UMAD1: variants seen among roughly 807,000 people sequenced by gnomAD.
The protein encoded by UMAD1 is UBAP1-MVB12-associated (UMA) domain containing 1.
UMAD1 carries 8 observed loss-of-function variants against 6.1 expected under a neutral mutation model. The observed-to-expected ratio is 1.30, with a 90% CI of 0.76 to 2.35. The LOEUF (loss-of-function observed/expected upper bound fraction) is 2.35, where lower values mean the gene tolerates loss of function less well. UMAD1 is among the 30% of genes most tolerant of loss of function. UMAD1 has a pLI of 0.00. For missense variants in UMAD1, 130 were observed against 78.4 expected (o/e 1.66, Z -2.49); for synonymous variants, 56 against 31.4 (o/e 1.78, Z -2.61).
intron 2 of UMAD1, among the ~76,000 whole-genome samples, chr7:7,677,815 A>G: frequency 6.7e-6 from 1 of 149,192 alleles, no homozygotes; most frequent in East Asian, 1.9e-4. Flanking sequence ...CTGGGACTAC[A>G]GGCGCCCGCC....
At chr7:7,771,430 G>A (rs541569732) in intron 2 of UMAD1, among the ~76,000 whole-genome samples, 36 of 152,222 alleles carry the variant, frequency 2.4e-4, no homozygotes, top group African/African-American at 8.7e-4. Context: ...GCCACAGGAT[G>A]TTATTTTCAG....
At chr7:7,831,895 ACTT>A (rs1485204170) in intron 3 of UMAD1, among the ~76,000 whole-genome samples, 1 of 152,174 alleles carries the variant, frequency 6.6e-6, no homozygotes, top group Non-Finnish European at 1.5e-5. Flanking sequence ...TCAAAGGACA[ACTT>A]CTTTCTTTGT....
In UMAD1 at chr7:7,849,045, A is replaced by T. The variant is rs900612924; in HGVS notation, c.157-28236A>T. 3.9e-5 allele frequency among the ~76,000 whole-genome samples: 6 copies of T among 152,262 alleles called. No individual in the cohort carries two copies. The East Asian group carries it at 1.2e-3, about 29-fold the overall frequency. On this transcript the variant is annotated intron_variant, in intron 3 of 3. Coordinates refer to ENST00000682710, the MANE Select transcript of UMAD1 (RefSeq NM_001302348.2). ...TTCCCTTATGTTGAAATTTGGGATA[A>T]TGCTGAGTATGATGGACTTGATGGA...
intron 2 of UMAD1, among the ~76,000 whole-genome samples, chr7:7,716,394 A>G (rs1225950535): frequency 6.6e-6 from 1 of 152,232 alleles, no homozygotes; most frequent in Non-Finnish European, 1.5e-5. Context: ...TTTTAAATAA[A>G]AAGCAGCCCC....
intron 3 of UMAD1, among the ~76,000 whole-genome samples, chr7:7,843,460 C>T (rs1583866536): frequency 6.6e-6 from 1 of 152,122 alleles, no homozygotes; most frequent in South Asian, 2.1e-4. Flanking sequence ...CTTTGTGTAC[C>T]TCCCTGTTTA....
chr7:7,744,140 T>C (rs1426084877), intron 2 of UMAD1, among the ~76,000 whole-genome samples: 1 of 152,176 alleles, frequency 6.6e-6, no homozygotes, highest in East Asian at 1.9e-4. Context: ...TCTCTATAGA[T>C]TTGCCTGTTC....
At chr7:7,828,744 GCTC>G (rs4034894) in intron 3 of UMAD1, among the ~76,000 whole-genome samples, 107,671 of 151,340 alleles carry the variant, frequency 0.71, 38,389 homozygotes, top group South Asian at 0.76. Flanking sequence ...GCTTCCCAGT[GCTC>G]CTCCTCCTCC....
At chr7:7,659,251 G>A (rs1355773985) in intron 1 of UMAD1, among the ~76,000 whole-genome samples, 2 of 151,784 alleles carry the variant, frequency 1.3e-5, no homozygotes, top group Non-Finnish European at 2.9e-5. Flanking sequence ...TTTTAAAAAA[G>A]CCAGCTCCTG....
intron 2 of UMAD1, among the ~76,000 whole-genome samples, chr7:7,798,538 C>G (rs1782732897): frequency 6.6e-6 from 1 of 152,150 alleles, no homozygotes; most frequent in Non-Finnish European, 1.5e-5. Flanking sequence ...GGGAAGAAAA[C>G]AGATAATCTA....
At chr7:7,795,238 T>A (rs1367059784) in intron 2 of UMAD1, among the ~76,000 whole-genome samples, 1 of 152,236 alleles carries the variant, frequency 6.6e-6, no homozygotes, top group East Asian at 1.9e-4. Context: ...GACACACACA[T>A]TGGATCCGAA....
intron 1 of UMAD1, among the ~76,000 whole-genome samples, chr7:7,673,106 T>C (rs1779647476): frequency 6.6e-6 from 1 of 152,208 alleles, no homozygotes; most frequent in Non-Finnish European, 1.5e-5. Flanking sequence ...CACTGTGAAC[T>C]TCAAAGGATA....
At chr7:7,676,128 G>A (rs960149232) in intron 2 of UMAD1, 7 of 398,446 alleles carry the variant, frequency 1.8e-5, no homozygotes, top group Admixed American at 4.4e-5. Context: ...CTCCAGTGAC[G>A]TGCTGTTAAA....
At chr7:7,777,513 A>AG (rs1782236332) in intron 2 of UMAD1, among the ~76,000 whole-genome samples, 1 of 111,752 alleles carries the variant, frequency 8.9e-6, no homozygotes, top group Admixed American at 8.5e-5. Context: ...CTCAAAAAAA[A>AG]AAAAAAAAAA....
intron 1 of UMAD1, among the ~76,000 whole-genome samples, chr7:7,652,578 C>A (rs1785248496): frequency 1.3e-5 from 2 of 152,156 alleles, no homozygotes; most frequent in Admixed American, 1.3e-4. Flanking sequence ...TGCCCATTGA[C>A]ATTGTGAGAG....
intron 1 of UMAD1, among the ~76,000 whole-genome samples, chr7:7,664,424 A>G (rs562643702): frequency 6.6e-6 from 1 of 152,196 alleles, no homozygotes. Context: ...GTAATGTCCA[A>G]CAAATCCTGT....
chr7:7,731,486 C>CCT (rs1554321028), intron 2 of UMAD1, among the ~76,000 whole-genome samples: 1 of 143,546 alleles, frequency 7.0e-6, no homozygotes, highest in African/African-American at 2.6e-5. Flanking sequence ...CAAACAACCC[C>CCT]CCCCCAAAAA....
rs924634212 is a variant in UMAD1 at position 7,710,306 on chromosome 7, G to A, written c.82+36853G>A. ...GTGTCTCACACTTTATGCAAAAATT[G>A]CCCAAAATGAAAGGACTAGTCCCTA... On this transcript the variant is annotated intron_variant, in intron 2 of 3. Coordinates refer to ENST00000682710, the MANE Select transcript of UMAD1 (RefSeq NM_001302348.2). Among the ~76,000 whole-genome samples the A allele has an allele frequency of 2.8e-4, 42 of 151,922 alleles. 1 individual carries two copies. Among genetic ancestry groups the A allele is most frequent in the Admixed American group, 2.8e-3 (42 of 15,246 alleles).
chr7:7,776,638 T>C (rs1336746235), intron 2 of UMAD1, among the ~76,000 whole-genome samples: 3 of 152,208 alleles, frequency 2.0e-5, no homozygotes, highest in Non-Finnish European at 2.9e-5. Flanking sequence ...AAATAATCAA[T>C]CTTTATAATT....
At chr7:7,731,492 A>ACC (rs143551600) in intron 2 of UMAD1, among the ~76,000 whole-genome samples, 1 of 111,086 alleles carries the variant, frequency 9.0e-6, no homozygotes, top group South Asian at 3.0e-4. Flanking sequence ...ACCCCCCCCC[A>ACC]AAAAAAAAAC....
Sources: allele counts gnomAD v4.1 joint callset (sites outside exome capture counted in the v4.1 genomes callset), GRCh38; gene constraint gnomAD v4.1.1; transcripts MANE v1.5; gene names NCBI Gene and HGNC (gene_info 2026-07-23, HGNC 2026-07-21).